ERC2: variants seen among roughly 807,000 people sequenced by gnomAD.
ERC2 encodes ERC protein 2.
In ERC2, 42 loss-of-function variants were observed where a neutral mutation model predicts 114.8. The observed-to-expected ratio is 0.37, with a 90% confidence interval of 0.29 to 0.47. The LOEUF (loss-of-function observed/expected upper bound fraction) is 0.47. Among genes scored for constraint, ERC2 ranks in the 20% least tolerant of loss-of-function variants. The pLI is 0.99. For synonymous variants in ERC2, 454 were observed against 425.5 expected (o/e 1.07, Z -0.82); for missense variants, 939 against 1,150.7 (o/e 0.82, Z 2.66).
At chr3:55,727,795 T>G (rs948619710) in intron 15 of ERC2, among the ~76,000 whole-genome samples, 1 of 152,058 alleles carries the variant, frequency 6.6e-6, no homozygotes, top group African/African-American at 2.4e-5. Context: ...GCCCAAGAAA[T>G]TGGAGGAGAT....
chr3:55,994,042 G>A (rs1361832271), intron 10 of ERC2, among the ~76,000 whole-genome samples: 1 of 152,062 alleles, frequency 6.6e-6, no homozygotes, highest in Admixed American at 6.6e-5. Context: ...TTACAGAAAA[G>A]CATTTAAAAT....
At chr3:56,250,215 AC>A (rs2052049250) in intron 3 of ERC2, among the ~76,000 whole-genome samples, 1 of 152,194 alleles carries the variant, frequency 6.6e-6, no homozygotes, top group Non-Finnish European at 1.5e-5. Context: ...ATGGTTTTGC[AC>A]CATACCACCC....
At chr3:55,524,372 C>T (rs1205914119) in intron 17 of ERC2, among the ~76,000 whole-genome samples, 1 of 152,168 alleles carries the variant, frequency 6.6e-6, no homozygotes, top group African/African-American at 2.4e-5. Context: ...CCCCAAGCTT[C>T]CCCAAAACTG....
At chr3:56,423,959 AAAC>A (rs1470589447) in intron 2 of ERC2, among the ~76,000 whole-genome samples, 1 of 152,198 alleles carries the variant, frequency 6.6e-6, no homozygotes, top group Non-Finnish European at 1.5e-5. Context: ...ATGGACTCCG[AAAC>A]AACAACACAA....
chr3:56,025,587 T>C (rs911120894), intron 7 of ERC2, among the ~76,000 whole-genome samples: 3 of 152,142 alleles, frequency 2.0e-5, no homozygotes, highest in Admixed American at 1.3e-4. Flanking sequence ...ATTTCTCACA[T>C]AGAAAATCAC....
chr3:56,066,921 T>C (rs1018037345), intron 7 of ERC2, among the ~76,000 whole-genome samples: 16 of 152,224 alleles, frequency 1.1e-4, no homozygotes, highest in African/African-American at 2.9e-4. Flanking sequence ...TCTGTTTTGG[T>C]ACTTGTACCA....
intron 3 of ERC2, among the ~76,000 whole-genome samples, chr3:56,234,371 G>GT (rs910864625): frequency 6.6e-5 from 10 of 152,238 alleles, no homozygotes; most frequent in African/African-American, 2.4e-4. Context: ...CCTTCAGTGG[G>GT]TTTTTTTATA....
At chr3:56,016,829 T>G (rs1243778540) in intron 8 of ERC2, among the ~76,000 whole-genome samples, 1 of 152,114 alleles carries the variant, frequency 6.6e-6, no homozygotes, top group Non-Finnish European at 1.5e-5. Flanking sequence ...GTGGCTTAGG[T>G]GGGACTGGCC....
intron 14 of ERC2, among the ~76,000 whole-genome samples, chr3:55,841,298 C>T (rs1048303321): frequency 1.3e-5 from 2 of 152,042 alleles, no homozygotes; most frequent in Non-Finnish European, 2.9e-5. Context: ...TGGATCTTTC[C>T]TATGCTGTTC....
intron 7 of ERC2, among the ~76,000 whole-genome samples, chr3:56,066,353 T>C (rs1411197636): frequency 6.6e-6 from 1 of 152,250 alleles, no homozygotes; most frequent in East Asian, 1.9e-4. Context: ...CATAAATGTC[T>C]TCTTTTGAGA....
chr3:56,357,812 A>T (rs1378600499), intron 2 of ERC2, among the ~76,000 whole-genome samples: 1 of 149,474 alleles, frequency 6.7e-6, no homozygotes, highest in African/African-American at 2.5e-5. Flanking sequence ...CATAATTTTT[A>T]AAAGTCTAAA....
At chr3:56,461,181 G>T (rs2063302993) in intron 1 of ERC2, among the ~76,000 whole-genome samples, 1 of 152,164 alleles carries the variant, frequency 6.6e-6, no homozygotes, top group African/African-American at 2.4e-5. Context: ...TACAAAGTAA[G>T]GACAAGCTGG....
chr3:56,464,958 A>G (rs2063477890), intron 1 of ERC2, among the ~76,000 whole-genome samples: 1 of 152,222 alleles, frequency 6.6e-6, no homozygotes, highest in South Asian at 2.1e-4. Context: ...AACCTAACCA[A>G]AGTCAAAGAC....
At chr3:56,194,790 T>C (rs540040717) in intron 3 of ERC2, among the ~76,000 whole-genome samples, 25 of 152,238 alleles carry the variant, frequency 1.6e-4, no homozygotes, top group Non-Finnish European at 3.1e-4. Flanking sequence ...TGAAACATCA[T>C]TATGCAGTGC....
intron 14 of ERC2, among the ~76,000 whole-genome samples, chr3:55,799,060 A>G (rs2070759885): frequency 6.6e-6 from 1 of 152,130 alleles, no homozygotes; most frequent in South Asian, 2.1e-4. Flanking sequence ...ATCTCTATAT[A>G]ATATGGAAGG....
chr3:55,975,190 TA>T (rs112414816), intron 12 of ERC2, among the ~76,000 whole-genome samples: 11,323 of 143,776 alleles, frequency 0.079, 849 homozygotes, highest in African/African-American at 0.2. Flanking sequence ...GGAGTTGCTA[TA>T]AAAAAAAAAA....
intron 14 of ERC2, among the ~76,000 whole-genome samples, chr3:55,758,785 C>T (rs74737850): frequency 0.04 from 6,148 of 152,174 alleles, 438 homozygotes; most frequent in African/African-American, 0.14. Context: ...AACTGCGTAA[C>T]GTTTTCCAAG....
At chr3:56,411,591 TAAC>T (rs1025974210) in intron 2 of ERC2, among the ~76,000 whole-genome samples, 7 of 152,142 alleles carry the variant, frequency 4.6e-5, no homozygotes, top group Admixed American at 2.0e-4. Flanking sequence ...TAAATGGAAG[TAAC>T]AACAACAATA....
intron 14 of ERC2, among the ~76,000 whole-genome samples, chr3:55,871,448 C>T (rs1243627954): frequency 6.6e-6 from 1 of 152,184 alleles, no homozygotes; most frequent in East Asian, 1.9e-4. Flanking sequence ...GGCTTAATCT[C>T]AGTTTCATTC....
Sources: allele counts gnomAD v4.1 joint callset (sites outside exome capture counted in the v4.1 genomes callset), GRCh38; gene constraint gnomAD v4.1.1; transcripts MANE v1.5; gene names NCBI Gene and HGNC (gene_info 2026-07-23, HGNC 2026-07-21).